RPL12: variants seen among roughly 807,000 people sequenced by gnomAD.
RPL12 encodes the protein large ribosomal subunit protein uL11.
A neutral mutation model predicts 24.5 loss-of-function variants in RPL12; 10 were observed. That is an observed-to-expected ratio of 0.41 (90% CI 0.25 to 0.69). The LOEUF (loss-of-function observed/expected upper bound fraction) is 0.69. RPL12 is among the 30% of genes least tolerant of loss of function. The probability of loss-of-function intolerance (pLI) is 0.33; values close to 1 mark genes in which losing one functional copy is unlikely to be tolerated. For synonymous variants in RPL12, 74 were observed against 76.1 expected (o/e 0.97, Z 0.14); for missense variants, 137 against 205.3 (o/e 0.67, Z 2.03).
chr9:127,447,911 T>C lies in RPL12; in HGVS notation c.458A>G (p.Asp153Gly). The C allele has an allele frequency of 6.2e-7, 1 of 1,613,822 alleles. No homozygotes were observed. Among genetic ancestry groups the C allele is most frequent in the Non-Finnish European group, 8.5e-7 (1 of 1,179,914 alleles). Residue 153 changes from aspartate to glycine, a missense_variant, in exon 6 of 7, where the codon GAT (aspartate) becomes GGT (glycine). Around this residue, in one of 3 missense-constraint regions of RPL12, gnomAD observed 118 missense variants for 160.7 expected, o/e 0.73. Coordinates refer to ENST00000361436, the MANE Select transcript of RPL12 (RefSeq NM_000976.4). ...VDGRHPHDII[D>G]DINSGAVECP... is the part of the protein sequence containing the mutation. ...TTCCACAGCACCACTGTTGATGTCA[T>C]CGATGATGTCATGAGGATGGCGGCC...
intron 2 of RPL12, chr9:127,450,503 A>G (rs1274945403): frequency 4.0e-6 from 2 of 503,168 alleles, no homozygotes; most frequent in Non-Finnish European, 7.0e-6. Context: ...CCTCAGGTAC[A>G]CTAAAGCAGC....
rs770663771 is a variant in RPL12 at position 127,451,268 on chromosome 9, C to T, written c.37+13G>A. 2.8e-5 allele frequency: 45 copies of T among 1,612,696 alleles called. No homozygotes were observed. In the South Asian group the frequency reaches 4.0e-4, roughly 14 times the overall value. On this transcript the variant is annotated intron_variant, in intron 1 of 6. Transcript: ENST00000361436. ...CTCCATCCCGCAGCCCCGGCCACAA[C>T]CAGAGCACGCACCGACTTTGATCTC... is the stretch of plus-strand genomic sequence containing the variant.
chr9:127,449,540 T>C, intron 3 of RPL12, 70 bp downstream of exon 3: 1 of 1,455,100 alleles, frequency 6.9e-7, no homozygotes, highest in East Asian at 2.3e-5. Context: ...AGAAATACTC[T>C]TCAGGAATCC....
chr9:127,448,310 G>A, intron 5 of RPL12, 27 bp downstream of exon 5: 2 of 1,537,308 alleles, frequency 1.3e-6, no homozygotes, highest in Non-Finnish European at 1.8e-6. Context: ...CTACAGTTAT[G>A]GCGGTTACAT....
chr9:127,448,062 T>C lies in RPL12; in HGVS notation c.380-73A>G. 4 of 1,507,832 alleles carry C rather than the reference T, an allele frequency of 2.7e-6. No homozygotes were observed. In the East Asian group the frequency reaches 6.9e-5, roughly 26 times the overall value. The allele number at this position is 1,507,832 out of a possible 1,614,324, so 93.4% of individuals were successfully genotyped here. A position where few individuals can be genotyped will look rare whatever the true frequency, so the allele number is the denominator to read the frequency against. ...ACAATCTGCAGATACTGGGGAATAC[T>C]GAAGGGGTTCATAGCAGGCAATGGA... On this transcript the variant is annotated intron_variant, in intron 5 of 6. Coordinates refer to ENST00000361436, the MANE Select transcript of RPL12 (RefSeq NM_000976.4).
rs554191130 is a variant in RPL12 at position 127,448,642 on chromosome 9, AAAACC to A, written c.293-224_293-220del. On this transcript the variant is annotated intron_variant, in intron 4 of 6. Transcript: ENST00000361436. ...GGTGCAGTGGCGGGTGGCTGAGGGC[AAAACC>A]AAGCCTTCACAAATCTGACATGGCA... is the stretch of plus-strand genomic sequence containing the variant. 586 of 744,198 alleles carry A rather than the reference AAAACC, an allele frequency of 7.9e-4. 4 individuals are homozygous for A. The African/African-American group carries it at 8.9e-3, about 11-fold the overall frequency. The allele number at this position is 744,198 out of a possible 1,614,324, so 46.1% of individuals were successfully genotyped here. A position where few individuals can be genotyped will look rare whatever the true frequency, so the allele number is the denominator to read the frequency against.
chr9:127,449,000 AT>A, intron 4 of RPL12: 1 of 360,534 alleles, frequency 2.8e-6, no homozygotes. Context: ...CTAATTTTGT[AT>A]TTTTTGGTGG....
intron 4 of RPL12, chr9:127,448,673 G>A (rs751473374): frequency 4.2e-6 from 3 of 706,764 alleles, no homozygotes; most frequent in Non-Finnish European, 7.9e-6. Context: ...TGACATGGCA[G>A]AAACTGTTTT....
At chr9:127,449,917 C>G (rs570445829) in intron 2 of RPL12, 3 of 562,714 alleles carry the variant, frequency 5.3e-6, no homozygotes, top group East Asian at 6.1e-5. Context: ...CACAATGTAA[C>G]CTAGACCCCC....
Position 127,448,367 on chromosome 9 carries a change from G to C in RPL12, c.349C>G (p.Arg117Gly). ...DEIVNIARQM[R>G]HRSLARELSG... ...AGTTCTCTGGCTAAGGATCGGTGCCGCATCTGTCGAGCAATGTTGACAATC... is the reference window on the plus strand; with the variant it reads ...AGTTCTCTGGCTAAGGATCGGTGCCCCATCTGTCGAGCAATGTTGACAATC... Residue 117 changes from arginine (R) to glycine (G), a missense_variant, in exon 5 of 7, where the codon CGG becomes GGG. Arg to Gly is a moderately radical substitution (Grantham distance 125). Coordinates refer to ENST00000361436, the MANE Select transcript of RPL12 (RefSeq NM_000976.4). 3 of 1,613,618 alleles carry C rather than the reference G, an allele frequency of 1.9e-6. No homozygotes were observed. Among genetic ancestry groups the C allele is most frequent in the South Asian group, 1.1e-5 (1 of 91,070 alleles).
At chr9:127,450,984 GT>G in intron 1 of RPL12, 180 bp from the exon 2 acceptor site, 1 of 645,488 alleles carries the variant, frequency 1.5e-6, no homozygotes, top group Non-Finnish European at 2.7e-6. Flanking sequence ...CCGGGGAGGC[GT>G]GGAGAGAGCC....
chr9:127,447,840 CT>C, intron 6 of RPL12, 36 bp downstream of exon 6: 1 of 1,610,618 alleles, frequency 6.2e-7, no homozygotes, highest in Non-Finnish European at 8.5e-7. Context: ...GGTGGCCCCC[CT>C]TTCACCCCTA....
At position 127,449,992 on chromosome 9, in the gene RPL12, G is replaced by C. The variant is rs1588084570; in HGVS notation, c.112-284C>G. The stretch of plus-strand genomic sequence containing the variant: ...CCTGCTGACATTAGAATCACCTAAG[G>C]AGCTTTCAAAATACTAGGCTCCCAT... On this transcript the variant is annotated intron_variant, in intron 2 of 6. Coordinates refer to ENST00000361436, the MANE Select transcript of RPL12 (RefSeq NM_000976.4). The C allele has an allele frequency of 1.4e-5, 5 of 352,526 alleles. No individual in the cohort carries two copies. In the East Asian group the frequency reaches 2.9e-4, roughly 20 times the overall value. The allele number at this position is 352,526 out of a possible 1,614,324, so 21.8% of individuals were successfully genotyped here.
At chr9:127,449,513 G>GAGGTGAAATCT (rs1383625364) in intron 3 of RPL12, 97 bp downstream of exon 3, 4 of 1,325,828 alleles carry the variant, frequency 3.0e-6, no homozygotes, top group African/African-American at 1.5e-5. Context: ...AATCACTCTC[G>GAGGTGAAATCT]GCTCACCACT....
In RPL12 at chr9:127,447,983, A is replaced by G; in HGVS notation, c.386T>C (p.Ile129Thr). Reference sequence around the variant, plus strand: ...CTGGGCAGTCCCCAGGATCTCTTTAATGGTTCCTTTAAGTAAAGAAATGGT... The same window carrying G: ...CTGGGCAGTCCCCAGGATCTCTTTAGTGGTTCCTTTAAGTAAAGAAATGGT... ...RSLARELSGT[I>T]KEILGTAQSV... is the part of the protein sequence containing the mutation. Residue 129 changes from isoleucine (I) to threonine (T), a missense_variant, in exon 6 of 7, where the codon ATT (isoleucine) becomes ACT (threonine). Coordinates refer to ENST00000361436, the MANE Select transcript of RPL12 (RefSeq NM_000976.4). 1 of 1,606,552 alleles carries G rather than the reference A, an allele frequency of 6.2e-7. No homozygotes were observed.
intron 4 of RPL12, 187 bp downstream of exon 4, chr9:127,449,094 G>T: frequency 1.9e-6 from 1 of 530,636 alleles, no homozygotes; most frequent in Non-Finnish European, 3.4e-6. Flanking sequence ...CCCAGTGCTG[G>T]GATTACAGGT....
chr9:127,449,845 A>G (rs748220042), intron 2 of RPL12, 137 bp from the exon 3 acceptor site: 9 of 676,618 alleles, frequency 1.3e-5, no homozygotes, highest in African/African-American at 7.1e-5. Flanking sequence ...GAGCACAGCT[A>G]TCACCATAGC....
intron 2 of RPL12, 63 bp downstream of exon 2, chr9:127,450,668 C>A: frequency 7.6e-7 from 1 of 1,314,470 alleles, no homozygotes. Context: ...GGCGTGACTC[C>A]ACGAGCCGGC....
chr9:127,449,512 C>T (rs1258826392), intron 3 of RPL12, 98 bp downstream of exon 3: 63 of 1,321,190 alleles, frequency 4.8e-5, no homozygotes, highest in Non-Finnish European at 6.7e-5. Context: ...AAATCACTCT[C>T]GGCTCACCAC....
Sources: allele counts gnomAD v4.1 joint callset, GRCh38; gene constraint gnomAD v4.1.1; regional missense constraint gnomAD v4.1.1; transcripts MANE v1.5; gene names NCBI Gene and HGNC (gene_info 2026-07-23, HGNC 2026-07-21).